The following LYPLA1 variants were observed in gnomAD, a reference collection of about 807,000 sequenced individuals.
LYPLA1 encodes the protein acyl-protein thioesterase 1.
LYPLA1 carries 17 observed loss-of-function variants against 34.0 expected under a neutral mutation model. The ratio of observed to expected loss-of-function variants is 0.50; its 90% confidence interval spans 0.34 to 0.75. LYPLA1 has a LOEUF of 0.75. Ranked by LOEUF, LYPLA1 falls within the 30% of genes least tolerant of loss-of-function variation. LYPLA1 has a pLI of 0.01. For missense variants in LYPLA1, 203 were observed against 288.8 expected (o/e 0.70, Z 2.15); for synonymous variants, 98 against 100.8 (o/e 0.97, Z 0.17).
At chr8:54,063,527 T>C in intron 3 of LYPLA1, 152 bp from the exon 4 acceptor site, 1 of 629,070 alleles carries the variant, frequency 1.6e-6, no homozygotes, top group Admixed American at 3.5e-5. Flanking sequence ...TCCACACCTG[T>C]ACAACTCTGC....
At chr8:54,063,159 T>G (rs745525448) in intron 4 of LYPLA1, among the ~76,000 whole-genome samples, 169 bp downstream of exon 4, 16 of 152,322 alleles carry the variant, frequency 1.1e-4, no homozygotes, top group South Asian at 2.1e-4. Flanking sequence ...TATGTACAGC[T>G]CCTTAAGTTT....
At chr8:54,085,048 C>T (rs939014798) in intron 2 of LYPLA1, among the ~76,000 whole-genome samples, 1 of 152,168 alleles carries the variant, frequency 6.6e-6, no homozygotes, top group Non-Finnish European at 1.5e-5. Flanking sequence ...CCTCTGATGC[C>T]GAGACGAGGC....
At chr8:54,071,284 A>G (rs1391036232) in intron 2 of LYPLA1, among the ~76,000 whole-genome samples, 2 of 152,210 alleles carry the variant, frequency 1.3e-5, no homozygotes, top group Non-Finnish European at 2.9e-5. Context: ...AGCTGGCAAA[A>G]CTTCAATGGA....
chr8:54,084,133 A>AAAAAAAAAAAAAAAATTTTATAT (rs1373090573), intron 2 of LYPLA1, among the ~76,000 whole-genome samples: 4 of 120,448 alleles, frequency 3.3e-5, no homozygotes, highest in Non-Finnish European at 6.2e-5. Context: ...AGAAAAAAAA[A>AAAAAAAAAAAAAAAATTTTATAT]ATAAATAAAT....
intron 7 of LYPLA1, among the ~76,000 whole-genome samples, chr8:54,052,279 C>G (rs1805896932): frequency 6.6e-6 from 1 of 152,110 alleles, no homozygotes; most frequent in Non-Finnish European, 1.5e-5. Flanking sequence ...TCTATGTACT[C>G]CACAATACAG....
intron 2 of LYPLA1, among the ~76,000 whole-genome samples, chr8:54,097,974 G>A (rs1282839495): frequency 6.6e-6 from 1 of 152,192 alleles, no homozygotes; most frequent in Non-Finnish European, 1.5e-5. Context: ...TGTATTCCCA[G>A]CACTTTGGGA....
rs201781407 is a variant in LYPLA1 at position 54,055,645 on chromosome 8, A to ATT, written c.287-514_287-513dup. 4.4e-3 allele frequency among the ~76,000 whole-genome samples: 619 copies of ATT among 142,254 alleles called. 2 individuals are homozygous for ATT. Among genetic ancestry groups the ATT allele is most frequent in the African/African-American group, 0.015 (582 of 38,722 alleles). The allele number at this position is 142,254 out of a possible 152,430, so 93.3% of individuals were successfully genotyped here. A position where few individuals can be genotyped will look rare whatever the true frequency, so the allele number is the denominator to read the frequency against. ...CAGAAATAGAAAAACAATCCTAATTATTTTTTTTTTTTTTTTGAGACAAAG... is the reference window on the plus strand; with the variant it reads ...CAGAAATAGAAAAACAATCCTAATTATTTTTTTTTTTTTTTTTTGAGACAAAG... On this transcript the variant is annotated intron_variant, in intron 5 of 8. Coordinates refer to ENST00000316963, the MANE Select transcript of LYPLA1 (RefSeq NM_006330.4).
chr8:54,101,776 G>C lies in LYPLA1; in HGVS notation c.48C>G (p.Ala16=). The change falls in exon 1 of 9, where the codon GCC becomes GCG. Residue 16 remains alanine (A), a synonymous_variant. Transcript: ENST00000316963. ...TCACCGCAGCGGTGGCCTTCCGGGCGGCGGGCACGATGGCGGGCAGCGGGG... is the reference window on the plus strand; with the variant it reads ...TCACCGCAGCGGTGGCCTTCCGGGCCGCGGGCACGATGGCGGGCAGCGGGG... ...MSTPLPAIVP[A]ARKATAAVIF... 1.5e-6 allele frequency: 2 copies of C among 1,299,512 alleles called. No homozygotes were observed. The highest frequency in any genetic ancestry group is 2.0e-6 in the Non-Finnish European group (2 of 1,015,744). The allele number at this position is 1,299,512 out of a possible 1,614,324, so 80.5% of individuals were successfully genotyped here.
intron 2 of LYPLA1, among the ~76,000 whole-genome samples, chr8:54,069,198 T>C (rs1367297534): frequency 4.6e-5 from 7 of 152,164 alleles, no homozygotes. Context: ...TGAGTGAATA[T>C]GGTTAACTAC....
intron 2 of LYPLA1, among the ~76,000 whole-genome samples, chr8:54,087,151 T>C (rs963886087): frequency 1.3e-5 from 2 of 151,966 alleles, no homozygotes; most frequent in Non-Finnish European, 2.9e-5. Context: ...TCCTATGAAA[T>C]CTACAAAAAC....
chr8:54,065,161 CCCTAGGGATAT>C (rs1586106397), intron 3 of LYPLA1, among the ~76,000 whole-genome samples: 1 of 152,252 alleles, frequency 6.6e-6, no homozygotes, highest in South Asian at 2.1e-4. Context: ...TTCAGAGATA[CCCTAGGGATAT>C]CCTAGAACTT....
chr8:54,060,882 A>C (rs185608231), intron 5 of LYPLA1, among the ~76,000 whole-genome samples: 1 of 151,422 alleles, frequency 6.6e-6, no homozygotes, highest in East Asian at 2.0e-4. Context: ...TTTAGTAGAG[A>C]CGGGGTTTCA....
At chr8:54,082,072 AAGATTGAGATAC>A (rs1396422301) in intron 2 of LYPLA1, among the ~76,000 whole-genome samples, 1 of 152,182 alleles carries the variant, frequency 6.6e-6, no homozygotes, top group Admixed American at 6.5e-5. Context: ...ATGAAAGATA[AAGATTGAGATAC>A]AGACTGTATC....
intron 2 of LYPLA1, among the ~76,000 whole-genome samples, chr8:54,070,269 C>A (rs766303452): frequency 2.0e-5 from 3 of 152,196 alleles, no homozygotes; most frequent in East Asian, 1.9e-4. Context: ...GAGCCGAGAT[C>A]GTGCCACTGC....
chr8:54,092,890 T>C (rs1219085927), intron 2 of LYPLA1, among the ~76,000 whole-genome samples: 1 of 152,188 alleles, frequency 6.6e-6, no homozygotes, highest in Non-Finnish European at 1.5e-5. Flanking sequence ...TTCCATTTGT[T>C]CATTATCCTG....
chr8:54,058,750 GTT>G (rs796072929), intron 5 of LYPLA1, among the ~76,000 whole-genome samples: 1 of 142,146 alleles, frequency 7.0e-6, no homozygotes, highest in African/African-American at 2.6e-5. Flanking sequence ...AGCTAATTTT[GTT>G]TTTTTTTTTG....
intron 3 of LYPLA1, 32 bp from the exon 4 acceptor site, chr8:54,063,407 A>G: frequency 7.2e-7 from 1 of 1,390,710 alleles, no homozygotes; most frequent in South Asian, 1.3e-5. Context: ...ACAAAATCAG[A>G]ATAACAAAGC....
intron 3 of LYPLA1, among the ~76,000 whole-genome samples, chr8:54,065,480 A>AAATG (rs36030049): frequency 6.6e-5 from 10 of 151,248 alleles, no homozygotes; most frequent in Admixed American, 5.3e-4. Flanking sequence ...ATAAATAAAT[A>AAATG]AATAAATAAA....
At chr8:54,052,049 C>A (rs1023781445) in intron 7 of LYPLA1, among the ~76,000 whole-genome samples, 3 of 151,790 alleles carry the variant, frequency 2.0e-5, no homozygotes, top group Non-Finnish European at 2.9e-5. Flanking sequence ...TGGGGTTTCA[C>A]CATGTTGGCC....
Sources: gnomAD v4.1 joint callset for allele counts (sites outside exome capture counted in the v4.1 genomes callset) on GRCh38, gnomAD v4.1.1 for gene constraint, MANE v1.5 for transcripts, NCBI Gene and HGNC (gene_info 2026-07-23, HGNC 2026-07-21) for gene names.